The following NR2F2 variants were observed in gnomAD, a reference collection of about 807,000 sequenced individuals.
The protein encoded by NR2F2 is nuclear receptor subfamily 2 group F member 2.
A neutral mutation model predicts 34.8 loss-of-function variants in NR2F2; 2 were observed. That is an observed-to-expected ratio of 0.06 (90% CI 0.02 to 0.18). The LOEUF (loss-of-function observed/expected upper bound fraction) is 0.18, where lower values mean the gene tolerates loss of function less well. Among genes scored for constraint, NR2F2 ranks in the 10% least tolerant of loss-of-function variants. The pLI is 1.00. For missense variants in NR2F2, 300 were observed against 580.1 expected, an observed-to-expected ratio of 0.52 and a Z score of 4.96; for synonymous variants, 274 against 251.8, an observed-to-expected ratio of 1.09 and a Z score of -0.84.
In NR2F2 at chr15:96,334,060, C is replaced by G; in HGVS notation, c.443-16C>G. ...GCTGGTCATTAACTGTGGAGTGTCT[C>G]CTTTCCTCCCCGCAGCGGTGCAGAG... On this transcript the variant is annotated splice_polypyrimidine_tract_variant and intron_variant, in intron 1 of 2. Coordinates refer to ENST00000394166, the MANE Select transcript of NR2F2 (RefSeq NM_021005.4). 1 of 1,607,134 alleles carries G rather than the reference C, an allele frequency of 6.2e-7. No individual in the cohort carries two copies. Among genetic ancestry groups the G allele is most frequent in the Non-Finnish European group, 8.5e-7 (1 of 1,176,880 alleles).
chr15:96,326,802 G>A (rs1348783493), upstream of NR2F2, among the ~76,000 whole-genome samples: 2 of 152,156 alleles, frequency 1.3e-5, no homozygotes, highest in African/African-American at 4.8e-5. This position sits in a 1 kb window ranked among gnomAD's most constrained non-coding sequence, Gnocchi z 5.5. Context: ...TTTACTGTTC[G>A]CTTTGCCTCT....
At position 96,338,358 on chromosome 15, in the gene NR2F2, T is replaced by C. The variant is rs1416118152; in HGVS notation, c.*736T>C. 2.0e-5 allele frequency: 3 copies of C among 152,580 alleles called. No homozygotes were observed. In the East Asian group the frequency reaches 5.8e-4, roughly 29 times the overall value. The allele number at this position is 152,580 out of a possible 1,614,324, so 9.5% of individuals were successfully genotyped here. A position where few individuals can be genotyped will look rare whatever the true frequency, so the allele number is the denominator to read the frequency against. ...AAAAGAAACCATGACAAACCTAGCT[T>C]TTAAAAAATATTTTAAGAAAGAGAA... On this transcript the variant is annotated 3_prime_UTR_variant, in exon 3 of 3. Coordinates refer to ENST00000394166, the MANE Select transcript of NR2F2 (RefSeq NM_021005.4).
chr15:96,333,635 C>T (rs1899224907), intron 1 of NR2F2: 2 of 1,052,222 alleles, frequency 1.9e-6, no homozygotes, highest in Non-Finnish European at 2.3e-6. Context: ...GGCCACAGGC[C>T]GTCTGGGGTG....
upstream of NR2F2, chr15:96,327,112 G>C (rs1899014700): frequency 6.6e-6 from 1 of 151,320 alleles, no homozygotes; most frequent in African/African-American, 2.4e-5. Context: ...GCCAGCGAGA[G>C]AGACGACAGA....
chr15:96,331,083 G>C lies in NR2F2; in HGVS notation c.-1023G>C, dbSNP rs1222598721. Reference sequence around the variant, plus strand: ...AGCAGCAGCAGCGGCTCCGGCGGCGGCAGCAGCGGCAGCAGCGACTTCAGC... The same window carrying C: ...AGCAGCAGCAGCGGCTCCGGCGGCGCCAGCAGCGGCAGCAGCGACTTCAGC... On this transcript the variant is annotated 5_prime_UTR_variant, in exon 1 of 3. Transcript: ENST00000394166. 12 of 1,224,398 alleles carry C rather than the reference G, an allele frequency of 9.8e-6. No homozygotes were observed. The Admixed American group carries it at 2.1e-4, about 22-fold the overall frequency. 75.8% of individuals were successfully genotyped at this position (1,224,398 alleles called of 1,614,324 possible).
In NR2F2 at chr15:96,331,828, CG is replaced by C. The variant is rs1899154152; in HGVS notation, c.-277del. On this transcript the variant is annotated 5_prime_UTR_variant, in exon 1 of 3. Transcript: ENST00000394166. ...CCTCCCCTCCCGGCGGAAAGCCCCC[CG>C]AAACCAACAAAGCTGAGCCGAGAGA... is the stretch of plus-strand genomic sequence containing the variant. 1.7e-6 allele frequency: 2 copies of C among 1,202,378 alleles called. No homozygotes were observed. Among genetic ancestry groups the C allele is most frequent in the Middle Eastern group, 3.2e-4 (1 of 3,098 alleles). The allele number at this position is 1,202,378 out of a possible 1,614,324, so 74.5% of individuals were successfully genotyped here.
chr15:96,334,423 C>G lies in NR2F2; in HGVS notation c.790C>G (p.Leu264Val). The G allele has an allele frequency of 6.2e-7, 1 of 1,613,948 alleles. No individual in the cohort carries two copies. Among genetic ancestry groups the G allele is most frequent in the East Asian group, 2.2e-5 (1 of 44,852 alleles). The part of the protein sequence containing the change: ...VLNAAQCSMP[L>V]HVAPLLAAAG... Reference sequence around the variant, plus strand: ...GAATGCGGCGCAGTGCTCCATGCCCCTCCACGTCGCCCCGCTCCTGGCCGC... The same window carrying G: ...GAATGCGGCGCAGTGCTCCATGCCCGTCCACGTCGCCCCGCTCCTGGCCGC... Residue 264 changes from leucine to valine, a missense_variant, in exon 2 of 3, where the codon CTC (leucine) becomes GTC (valine). Physicochemically the swap from Leu to Val is conservative, Grantham distance 32. Transcript: ENST00000394166.
intron 1 of NR2F2, chr15:96,333,799 C>T: frequency 7.2e-7 from 1 of 1,388,082 alleles, no homozygotes; most frequent in Non-Finnish European, 9.3e-7. Context: ...GCCGGGGACC[C>T]CGAGGCAAGG....
rs890075137 is a variant in NR2F2, at chr15:96,331,685, G to A, written c.-421G>A. ...GAGAGTGAGAGCGAGCGAGATCTTT[G>A]GAGAGATTTTTTTTTTTGCCTCCTA... On this transcript the variant is annotated 5_prime_UTR_variant, in exon 1 of 3. Transcript: ENST00000394166. The A allele has an allele frequency of 1.8e-6, 2 of 1,099,896 alleles. No individual in the cohort carries two copies. Among genetic ancestry groups the A allele is most frequent in the Non-Finnish European group, 2.3e-6 (2 of 872,088 alleles). The allele number at this position is 1,099,896 out of a possible 1,614,324, so 68.1% of individuals were successfully genotyped here.
At chr15:96,334,859 T>C (rs958618379) in intron 2 of NR2F2, among the ~76,000 whole-genome samples, 2 of 152,276 alleles carry the variant, frequency 1.3e-5, no homozygotes, top group African/African-American at 4.8e-5. Flanking sequence ...CTCTGCTGCC[T>C]GTTTCCCCCA....
At chr15:96,334,046 A>T (rs993249785) in intron 1 of NR2F2, 30 bp from the exon 2 acceptor site, 2 of 1,599,450 alleles carry the variant, frequency 1.3e-6, no homozygotes, top group African/African-American at 1.3e-5. Context: ...CTGGTCATTA[A>T]CTGTGGAGTG....
Position 96,339,132 on chromosome 15 carries a change from GT to G in NR2F2, c.*1511del, listed in dbSNP as rs1899426058. On this transcript the variant is annotated 3_prime_UTR_variant, in exon 3 of 3. Coordinates refer to ENST00000394166, the MANE Select transcript of NR2F2 (RefSeq NM_021005.4). ...AGGCCCTTATATTTGTCACACTTAA[GT>G]GCCTGCTTAGGGAAGGTATTGTGAA... is the stretch of plus-strand genomic sequence containing the variant. The G allele has an allele frequency of 6.6e-6, 1 of 150,894 alleles. No individual in the cohort carries two copies. The highest frequency in any genetic ancestry group is 6.6e-5 in the Admixed American group (1 of 15,166). The allele number at this position is 150,894 out of a possible 1,614,324, so 9.3% of individuals were successfully genotyped here.
upstream of NR2F2, among the ~76,000 whole-genome samples, chr15:96,330,102 G>A (rs1343767375): frequency 6.6e-6 from 1 of 152,140 alleles, no homozygotes; most frequent in African/African-American, 2.4e-5. Flanking sequence ...TCAGTTCGTG[G>A]CACCTTCCCA....
chr15:96,329,951 A>C (rs1266692419), upstream of NR2F2, among the ~76,000 whole-genome samples: 1 of 152,230 alleles, frequency 6.6e-6, no homozygotes, highest in African/African-American at 2.4e-5. Context: ...AAACAGAAAC[A>C]GAACGGCCTT....
At chr15:96,335,933 C>T (rs1899312400) in intron 2 of NR2F2, among the ~76,000 whole-genome samples, 1 of 152,162 alleles carries the variant, frequency 6.6e-6, no homozygotes, top group African/African-American at 2.4e-5. Context: ...GGCAGGGAAG[C>T]TGTTTGCAGA....
chr15:96,339,463 C>G lies in NR2F2; in HGVS notation c.*1841C>G, dbSNP rs1899436156. The G allele has an allele frequency of 1.3e-5, 2 of 152,214 alleles. No homozygotes were observed. Among genetic ancestry groups the G allele is most frequent in the South Asian group, 4.1e-4 (2 of 4,830 alleles). 9.4% of individuals were successfully genotyped at this position (152,214 alleles called of 1,614,324 possible). Reference sequence around the variant, plus strand: ...GTTGGTTTCCCTCTCCCCTCCCCCCCTTTACCTTCAGTCTGTGAGAGCATG... The same window carrying G: ...GTTGGTTTCCCTCTCCCCTCCCCCCGTTTACCTTCAGTCTGTGAGAGCATG... On this transcript the variant is annotated 3_prime_UTR_variant, in exon 3 of 3. Coordinates refer to ENST00000394166, the MANE Select transcript of NR2F2 (RefSeq NM_021005.4).
chr15:96,326,078 G>C (rs1025186904), upstream of NR2F2: 3 of 594,632 alleles, frequency 5.0e-6, no homozygotes, highest in African/African-American at 5.6e-5. This position sits in a 1 kb window ranked among gnomAD's most constrained non-coding sequence, Gnocchi z 5.5. Flanking sequence ...CCAAGGCTGA[G>C]AGAGCCTAAT....
chr15:96,331,281 AGGCGGC>A lies in NR2F2; in HGVS notation c.-812_-807del, dbSNP rs902456420. 6.4e-4 allele frequency: 655 copies of A among 1,028,454 alleles called. No individual in the cohort carries two copies. The highest frequency in any genetic ancestry group is 7.3e-4 in the Non-Finnish European group (631 of 860,302). 63.7% of individuals were successfully genotyped at this position (1,028,454 alleles called of 1,614,324 possible). A position where few individuals can be genotyped will look rare whatever the true frequency, so the allele number is the denominator to read the frequency against. On this transcript the variant is annotated 5_prime_UTR_variant, in exon 1 of 3. Transcript: ENST00000394166. ...GAGGCGCGCGCCGGACGCCCGGGGC[AGGCGGC>A]GGCGGCGGCGGCCCAGCGCCAGGAC... is the stretch of plus-strand genomic sequence containing the variant.
chr15:96,337,417 A>G lies in NR2F2; in HGVS notation c.1040A>G (p.Glu347Gly). Residue 347 changes from glutamate to glycine, a missense_variant, in exon 3 of 3, where the codon GAA becomes GGA. Coordinates refer to ENST00000394166, the MANE Select transcript of NR2F2 (RefSeq NM_021005.4). ...GAAAAGTCTCAGTGTGCTTTGGAAG[A>G]ATACGTTAGGAGCCAGTACCCCAAC... Reference protein sequence around the residue: ...LQEKSQCALEEYVRSQYPNQP... With the variant: ...LQEKSQCALEGYVRSQYPNQP... 1 of 1,614,140 alleles carries G rather than the reference A, an allele frequency of 6.2e-7. No homozygotes were observed. The highest frequency in any genetic ancestry group is 8.5e-7 in the Non-Finnish European group (1 of 1,180,040).
Sources: gnomAD v4.1 joint callset for allele counts (sites outside exome capture counted in the v4.1 genomes callset) on GRCh38, gnomAD v4.1.1 for gene constraint, Gnocchi (gnomAD v3.1) non-coding constraint, MANE v1.5 for transcripts, NCBI Gene and HGNC (gene_info 2026-07-23, HGNC 2026-07-21) for gene names.